The following PIGU variants were observed in gnomAD, a reference collection of about 807,000 sequenced individuals.
PIGU encodes the protein phosphatidylinositol glycan anchor biosynthesis class U, also known as GPI-anchor transamidase component PIGU.
In PIGU, 24 loss-of-function variants were observed where a neutral mutation model predicts 49.9. The observed-to-expected ratio is 0.48, with a 90% CI of 0.35 to 0.68. The LOEUF is 0.68. Among genes scored for constraint, PIGU ranks in the 30% least tolerant of loss-of-function variants. The pLI is 0.01. For missense variants in PIGU, 490 were observed against 532.6 expected, an observed-to-expected ratio of 0.92 and a Z score of 0.79; for synonymous variants, 220 against 205.7, an observed-to-expected ratio of 1.07 and a Z score of -0.59.
At chr20:34,637,044 C>T (rs1985990769) in intron 5 of PIGU, among the ~76,000 whole-genome samples, 2 of 152,084 alleles carry the variant, frequency 1.3e-5, no homozygotes, top group African/African-American at 2.4e-5. Context: ...TAGTCCAAAA[C>T]TATTTGGTGG....
At chr20:34,622,389 C>T (rs1326444912) in intron 6 of PIGU, among the ~76,000 whole-genome samples, 2 of 151,656 alleles carry the variant, frequency 1.3e-5, no homozygotes, top group African/African-American at 4.9e-5. Context: ...TGGTGGCGGG[C>T]GCATGTAGTC....
Position 34,560,898 on chromosome 20 carries a change from C to T in PIGU, c.1276G>A (p.Asp426Asn). The T allele has an allele frequency of 6.2e-7, 1 of 1,612,320 alleles. No homozygotes were observed. The highest frequency in any genetic ancestry group is 2.2e-5 in the East Asian group (1 of 44,784). Reference protein sequence around the residue: ...LTHGLYLTAKDGTEAMLVLK With the variant: ...LTHGLYLTAKNGTEAMLVLK Reference sequence around the variant, plus strand: ...AGCACGAGCATGGCCTCTGTGCCATCCTTGGCGGTCAAGTAGAGGCCATGT... The same window carrying T: ...AGCACGAGCATGGCCTCTGTGCCATTCTTGGCGGTCAAGTAGAGGCCATGT... Residue 426 changes from aspartate (D) to asparagine (N), a missense_variant, in exon 12 of 12, where the codon GAT becomes AAT. Transcript: ENST00000217446.
intron 7 of PIGU, among the ~76,000 whole-genome samples, chr20:34,605,852 T>C (rs1984591739): frequency 6.6e-6 from 1 of 152,206 alleles, no homozygotes; most frequent in Non-Finnish European, 1.5e-5. Flanking sequence ...TGCTGAACCA[T>C]GTAAAAGTTG....
At chr20:34,617,626 C>G (rs1173822554) in intron 6 of PIGU, among the ~76,000 whole-genome samples, 4 of 152,202 alleles carry the variant, frequency 2.6e-5, no homozygotes. Flanking sequence ...AGGCACTTGC[C>G]TTGTCTCAGA....
intron 1 of PIGU, among the ~76,000 whole-genome samples, chr20:34,657,775 G>A (rs900089450): frequency 6.6e-6 from 1 of 152,112 alleles, no homozygotes; most frequent in African/African-American, 2.4e-5. Flanking sequence ...AAAGAGGTAT[G>A]TTCCTTACAC....
At chr20:34,658,447 G>A (rs1986787212) in intron 1 of PIGU, among the ~76,000 whole-genome samples, 2 of 152,088 alleles carry the variant, frequency 1.3e-5, no homozygotes, top group Non-Finnish European at 2.9e-5. Context: ...TCTCTGCCTG[G>A]CCGCCCATCA....
At chr20:34,598,659 T>C (rs1363932098) in intron 7 of PIGU, among the ~76,000 whole-genome samples, 1 of 152,220 alleles carries the variant, frequency 6.6e-6, no homozygotes, top group Non-Finnish European at 1.5e-5. Context: ...CCACCACTTA[T>C]GAAAAAGGTT....
intron 10 of PIGU, among the ~76,000 whole-genome samples, chr20:34,580,640 C>T (rs1983419258): frequency 6.6e-6 from 1 of 152,208 alleles, no homozygotes; most frequent in South Asian, 2.1e-4. Flanking sequence ...GGTGCTGGGC[C>T]ACTGACACTG....
rs1253379786 is a variant in PIGU at position 34,615,908 on chromosome 20, A to G, written c.627+134T>C. 2.9e-6 allele frequency: 4 copies of G among 1,372,342 alleles called. No homozygotes were observed. In the Admixed American group the frequency reaches 1.0e-4, roughly 35 times the overall value. 85.0% of individuals were successfully genotyped at this position (1,372,342 alleles called of 1,614,324 possible). A position where few individuals can be genotyped will look rare whatever the true frequency, so the allele number is the denominator to read the frequency against. On this transcript the variant is annotated intron_variant, in intron 7 of 11. Coordinates refer to ENST00000217446, the MANE Select transcript of PIGU (RefSeq NM_080476.5). ...TTTGTTTAAAGTTAGTCAAGTTTCT[A>G]TGTGTTTATATTTTCAACTGGGAGC...
At chr20:34,582,547 G>T (rs1383247345) in intron 9 of PIGU, among the ~76,000 whole-genome samples, 1 of 152,120 alleles carries the variant, frequency 6.6e-6, no homozygotes, top group Non-Finnish European at 1.5e-5. Context: ...GGGTGTGGTG[G>T]CATATGGCTG....
intron 7 of PIGU, among the ~76,000 whole-genome samples, chr20:34,597,030 T>C (rs1984227288): frequency 6.6e-6 from 1 of 152,176 alleles, no homozygotes; most frequent in Non-Finnish European, 1.5e-5. Context: ...TAGACTGTCA[T>C]ATTTGGTTGG....
intron 11 of PIGU, among the ~76,000 whole-genome samples, chr20:34,572,771 A>C (rs906367659): frequency 6.6e-6 from 1 of 152,226 alleles, no homozygotes; most frequent in Non-Finnish European, 1.5e-5. Context: ...AAATTATCTC[A>C]AGACAAAATC....
intron 7 of PIGU, among the ~76,000 whole-genome samples, chr20:34,605,154 C>A (rs1191970624): frequency 6.6e-6 from 1 of 152,104 alleles, no homozygotes. Flanking sequence ...ACATTTTAAA[C>A]CTCTCTCTAA....
chr20:34,603,828 G>C (rs1984515266), intron 7 of PIGU, among the ~76,000 whole-genome samples: 1 of 140,624 alleles, frequency 7.1e-6, no homozygotes, highest in Non-Finnish European at 1.5e-5. Flanking sequence ...TTCATACTGG[G>C]TTGGTCATTG....
chr20:34,596,538 T>C (rs1984207054), intron 7 of PIGU, among the ~76,000 whole-genome samples: 2 of 152,196 alleles, frequency 1.3e-5, no homozygotes, highest in African/African-American at 4.8e-5. Flanking sequence ...TGTACTATTT[T>C]TGCAACTTTT....
chr20:34,637,452 G>A (rs909568227), intron 5 of PIGU, among the ~76,000 whole-genome samples: 4 of 152,286 alleles, frequency 2.6e-5, no homozygotes, highest in African/African-American at 9.6e-5. Flanking sequence ...GAATGCATCT[G>A]TTTGGCACTT....
At chr20:34,618,248 AG>A (rs1292486691) in intron 6 of PIGU, among the ~76,000 whole-genome samples, 5 of 152,218 alleles carry the variant, frequency 3.3e-5, no homozygotes, top group Non-Finnish European at 7.3e-5. Context: ...TTTTGTCATT[AG>A]AAAAAAGCTA....
chr20:34,602,212 G>A (rs2146727644), intron 7 of PIGU, among the ~76,000 whole-genome samples: 1 of 151,856 alleles, frequency 6.6e-6, no homozygotes, highest in East Asian at 1.9e-4. Context: ...AACCCGGGAG[G>A]CAGAGGTTGC....
chr20:34,563,539 G>A (rs1471117724), intron 11 of PIGU, among the ~76,000 whole-genome samples: 6 of 146,780 alleles, frequency 4.1e-5, no homozygotes, highest in East Asian at 2.1e-4. Flanking sequence ...CAACAAGAGC[G>A]AAACTGCGTC....
Sources: gnomAD v4.1 joint callset for allele counts (sites outside exome capture counted in the v4.1 genomes callset) on GRCh38, gnomAD v4.1.1 for gene constraint, MANE v1.5 for transcripts, NCBI Gene and HGNC (gene_info 2026-07-23, HGNC 2026-07-21) for gene names.